The following RALGPS1 variants were observed in gnomAD, a reference collection of about 807,000 sequenced individuals.
RALGPS1 encodes Ral GEF with PH domain and SH3 binding motif 1.
In RALGPS1, 19 loss-of-function variants were observed where a neutral mutation model predicts 78.8. The observed-to-expected ratio is 0.24, with a 90% CI of 0.17 to 0.35. The LOEUF (loss-of-function observed/expected upper bound fraction) is 0.35, where lower values mean the gene tolerates loss of function less well. RALGPS1 is among the 10% of genes least tolerant of loss of function. RALGPS1 has a pLI of 1.00. For synonymous variants in RALGPS1, 228 were observed against 256.3 expected (o/e 0.89, Z 1.06); for missense variants, 454 against 688.3 (o/e 0.66, Z 3.81).
At chr9:127,024,699 C>T (rs1300797837) in intron 4 of RALGPS1, among the ~76,000 whole-genome samples, 1 of 152,062 alleles carries the variant, frequency 6.6e-6, no homozygotes, top group African/African-American at 2.4e-5. Context: ...ATTTTCTTCT[C>T]TTTTAATCCA....
At chr9:127,038,768 A>G (rs1001588226) in intron 5 of RALGPS1, among the ~76,000 whole-genome samples, 13 of 152,246 alleles carry the variant, frequency 8.5e-5, no homozygotes, top group Admixed American at 3.9e-4. Flanking sequence ...GAGGAAAGGC[A>G]TGTGCAGGAG....
chr9:127,160,169 G>A (rs1170403077), intron 8 of RALGPS1, among the ~76,000 whole-genome samples: 1 of 152,208 alleles, frequency 6.6e-6, no homozygotes, highest in African/African-American at 2.4e-5. Flanking sequence ...TGGGGAGGCT[G>A]CAAGCGCCCA....
intron 7 of RALGPS1, among the ~76,000 whole-genome samples, chr9:127,054,581 C>T (rs2048556769): frequency 6.6e-6 from 1 of 152,170 alleles, no homozygotes. Context: ...CAGTGGGCAG[C>T]AGCAGGTCAC....
At chr9:127,140,241 G>A (rs1177563439) in intron 8 of RALGPS1, among the ~76,000 whole-genome samples, 1 of 152,200 alleles carries the variant, frequency 6.6e-6, no homozygotes, top group African/African-American at 2.4e-5. Context: ...GGGCACCCTG[G>A]AAGGCAGTGC....
intron 1 of RALGPS1, among the ~76,000 whole-genome samples, chr9:126,942,913 G>T (rs2036917729): frequency 6.6e-6 from 1 of 151,828 alleles, no homozygotes; most frequent in Admixed American, 6.6e-5. Flanking sequence ...TTCTTTTAAA[G>T]TTTATTTCTG....
intron 5 of RALGPS1, among the ~76,000 whole-genome samples, chr9:127,048,582 A>G (rs1373268919): frequency 6.6e-6 from 1 of 152,224 alleles, no homozygotes; most frequent in Non-Finnish European, 1.5e-5. Flanking sequence ...CCTCTGCACA[A>G]CATGGACTGC....
intron 8 of RALGPS1, among the ~76,000 whole-genome samples, chr9:127,089,412 C>T (rs1351420240): frequency 1.3e-5 from 2 of 152,194 alleles, no homozygotes; most frequent in African/African-American, 2.4e-5. Context: ...AAAAATGACG[C>T]CTGCCGCACA....
At chr9:127,131,842 T>C (rs1303744806) in intron 8 of RALGPS1, among the ~76,000 whole-genome samples, 1 of 152,190 alleles carries the variant, frequency 6.6e-6, no homozygotes, top group Non-Finnish European at 1.5e-5. Context: ...TGCTCACCAC[T>C]TCAGCCCATC....
chr9:126,925,042 G>A (rs553826502), intron 1 of RALGPS1, among the ~76,000 whole-genome samples: 31 of 151,226 alleles, frequency 2.0e-4, no homozygotes, highest in African/African-American at 6.5e-4. Flanking sequence ...CAGGAGAATC[G>A]CTTTAACCTG....
intron 10 of RALGPS1, among the ~76,000 whole-genome samples, chr9:127,170,402 C>T (rs897439722): frequency 6.6e-6 from 1 of 152,108 alleles, no homozygotes; most frequent in Admixed American, 6.5e-5. Context: ...AGACATAATG[C>T]TTTTAGTTGT....
chr9:127,183,788 GC>G lies in RALGPS1; in HGVS notation c.910+9009del. The G allele has an allele frequency of 1.6e-6, 2 of 1,248,652 alleles. No individual in the cohort carries two copies. The highest frequency in any genetic ancestry group is 2.2e-6 in the Non-Finnish European group (2 of 908,482). 77.3% of individuals were successfully genotyped at this position (1,248,652 alleles called of 1,614,324 possible). On this transcript the variant is annotated intron_variant, in intron 11 of 18. Transcript: ENST00000259351. The surrounding 1 kb of genome is among the most constrained non-coding windows in gnomAD (Gnocchi z 4.0). ...TTTTCGGAATGGATGGGTGGGAGGG[GC>G]CCTCCATGAGGACCTCAGGGATAGG...
chr9:127,147,885 C>T (rs1025274042), intron 8 of RALGPS1, among the ~76,000 whole-genome samples: 1 of 152,146 alleles, frequency 6.6e-6, no homozygotes, highest in African/African-American at 2.4e-5. Context: ...CTCTGATTCT[C>T]AAAACAGCCT....
intron 7 of RALGPS1, among the ~76,000 whole-genome samples, chr9:127,053,903 G>A (rs2048500467): frequency 6.6e-6 from 1 of 152,230 alleles, no homozygotes; most frequent in African/African-American, 2.4e-5. Context: ...GCATTCAGGT[G>A]CCATTCAGAG....
At chr9:127,090,259 A>G (rs1193934681) in intron 8 of RALGPS1, among the ~76,000 whole-genome samples, 2 of 152,164 alleles carry the variant, frequency 1.3e-5, no homozygotes, top group African/African-American at 2.4e-5. Flanking sequence ...GCTAGATCTG[A>G]GTTTGGATCA....
chr9:127,030,447 T>C (rs1431690244), intron 4 of RALGPS1, among the ~76,000 whole-genome samples: 1 of 151,804 alleles, frequency 6.6e-6, no homozygotes, highest in Non-Finnish European at 1.5e-5. Context: ...ACAACAAATA[T>C]GGTGGAGGCT....
chr9:127,019,479 C>T (rs1469141474), intron 4 of RALGPS1, among the ~76,000 whole-genome samples: 7 of 152,082 alleles, frequency 4.6e-5, no homozygotes. Flanking sequence ...AGGTGCCCGC[C>T]ACCATGCCTG....
chr9:127,098,114 A>T (rs535227318), intron 8 of RALGPS1, among the ~76,000 whole-genome samples: 2 of 152,370 alleles, frequency 1.3e-5, no homozygotes, highest in East Asian at 3.9e-4. Flanking sequence ...TTTTCAATAC[A>T]AGACTAAATG....
chr9:127,096,366 T>G (rs898970848), intron 8 of RALGPS1, among the ~76,000 whole-genome samples: 2 of 152,170 alleles, frequency 1.3e-5, no homozygotes, highest in African/African-American at 4.8e-5. Flanking sequence ...GGCCGTTCGA[T>G]GTGAATGCTG....
At chr9:126,962,373 G>A (rs754042981) in intron 2 of RALGPS1, 27 bp downstream of exon 2, 2 of 1,612,524 alleles carry the variant, frequency 1.2e-6, no homozygotes, top group Non-Finnish European at 1.7e-6. Flanking sequence ...AATCGGGACA[G>A]TGGGTAGAGG....
Sources: allele counts gnomAD v4.1 joint callset (sites outside exome capture counted in the v4.1 genomes callset), GRCh38; gene constraint gnomAD v4.1.1; non-coding constraint Gnocchi (gnomAD v3.1); transcripts MANE v1.5; gene names NCBI Gene and HGNC (gene_info 2026-07-23, HGNC 2026-07-21).